Variants in DNAH11 observed in about 807,000 individuals in gnomAD.
DNAH11 encodes dynein axonemal heavy chain 11, also known as axonemal beta dynein heavy chain 11.
Under a neutral mutation model 526.0 loss-of-function variants are expected in DNAH11, and 442 were observed. The observed-to-expected ratio is 0.84, with a 90% CI of 0.78 to 0.91. The LOEUF (loss-of-function observed/expected upper bound fraction) is 0.91, where lower values mean the gene tolerates loss of function less well. DNAH11 is among the 40% of genes least tolerant of loss of function. The probability of loss-of-function intolerance (pLI) is 0.00; values close to 1 mark genes in which losing one functional copy is unlikely to be tolerated. For synonymous variants in DNAH11, 2,461 were observed against 1,935.9 expected (o/e 1.27, Z -7.12); for missense variants, 6,989 against 5,448.7 (o/e 1.28, Z -8.90).
intron 2 of DNAH11, among the ~76,000 whole-genome samples, chr7:21,546,123 T>G (rs1015824177): frequency 1.3e-5 from 2 of 152,174 alleles, no homozygotes; most frequent in Non-Finnish European, 2.9e-5. Flanking sequence ...GGCCGATATT[T>G]AAGGTAGGAA....
At chr7:21,705,803 G>C (rs901399315) in intron 39 of DNAH11, among the ~76,000 whole-genome samples, 1 of 152,158 alleles carries the variant, frequency 6.6e-6, no homozygotes, top group African/African-American at 2.4e-5. Flanking sequence ...AACTTTCCAC[G>C]TGAGATGTTC....
intron 38 of DNAH11, among the ~76,000 whole-genome samples, chr7:21,704,947 C>A (rs1397174567): frequency 6.6e-6 from 1 of 152,082 alleles, no homozygotes; most frequent in Non-Finnish European, 1.5e-5. Flanking sequence ...TTTTAGAGAA[C>A]ATTGGAAGTA....
At chr7:21,600,193 C>G (rs1307516548) in intron 15 of DNAH11, 74 bp downstream of exon 15, 9 of 1,322,576 alleles carry the variant, frequency 6.8e-6, no homozygotes, top group Non-Finnish European at 9.1e-6. Context: ...AGTATGGTAG[C>G]TCATGCTGGG....
chr7:21,652,268 A>G (rs1018840056), intron 28 of DNAH11, among the ~76,000 whole-genome samples: 1 of 152,208 alleles, frequency 6.6e-6, no homozygotes, highest in Non-Finnish European at 1.5e-5. Context: ...AAACAAACAT[A>G]TTAAATAAAA....
chr7:21,553,605 A>G (rs576128357), intron 2 of DNAH11, among the ~76,000 whole-genome samples: 10 of 152,154 alleles, frequency 6.6e-5, no homozygotes, highest in South Asian at 4.1e-4. Flanking sequence ...GTGGATCACC[A>G]TTTCTTTTTT....
At position 21,683,869 on chromosome 7, in the gene DNAH11, G is replaced by A. The variant is rs1421125848; in HGVS notation, c.5546G>A (p.Cys1849Tyr). 3.1e-6 allele frequency: 5 copies of A among 1,613,602 alleles called. No individual in the cohort carries two copies. The highest frequency in any genetic ancestry group is 4.2e-6 in the Non-Finnish European group (5 of 1,179,742). ...DTQKHCFVNI[C>Y]DAQFQYFYEY... ...CAGAAACACTGCTTTGTTAATATTT[G>A]TGATGCCCAGTTCCAGTACTTCTAT... Residue 1849 changes from cysteine to tyrosine, a missense_variant, in exon 32 of 82, where the codon TGT becomes TAT. Cys to Tyr is a radical substitution (Grantham distance 194). Transcript: ENST00000409508.
intron 6 of DNAH11, among the ~76,000 whole-genome samples, chr7:21,565,474 G>T (rs1310435621): frequency 6.6e-6 from 1 of 152,160 alleles, no homozygotes; most frequent in Non-Finnish European, 1.5e-5. Context: ...ATTTCCCTGA[G>T]CAGTTAGGAG....
chr7:21,891,745 G>A (rs1211296787), intron 76 of DNAH11, among the ~76,000 whole-genome samples: 1 of 152,128 alleles, frequency 6.6e-6, no homozygotes, highest in East Asian at 1.9e-4. Context: ...TGAGCTCTCA[G>A]GGTCTGTGGA....
At chr7:21,753,442 T>C (rs982219680) in intron 54 of DNAH11, among the ~76,000 whole-genome samples, 2 of 152,228 alleles carry the variant, frequency 1.3e-5, no homozygotes, top group Non-Finnish European at 2.9e-5. Context: ...GCAGTATCAG[T>C]CATTCCAGTG....
intron 71 of DNAH11, among the ~76,000 whole-genome samples, chr7:21,867,407 A>C (rs186646127): frequency 6.6e-6 from 1 of 152,212 alleles, no homozygotes; most frequent in African/African-American, 2.4e-5. Context: ...GCTAAATCTG[A>C]TGCTGCTGGA....
intron 62 of DNAH11, 25 bp downstream of exon 62, chr7:21,801,300 C>G (rs774662342): frequency 6.2e-7 from 1 of 1,612,782 alleles, no homozygotes; most frequent in South Asian, 1.1e-5. Flanking sequence ...TCCAAACATT[C>G]TAACTAAAAT....
chr7:21,891,510 CTG>C (rs1182715817), intron 76 of DNAH11, among the ~76,000 whole-genome samples: 3 of 152,154 alleles, frequency 2.0e-5, no homozygotes, highest in Non-Finnish European at 2.9e-5. Flanking sequence ...TTGATTGACT[CTG>C]TGTTTATGGC....
chr7:21,620,574 A>C (rs368830086), intron 25 of DNAH11, among the ~76,000 whole-genome samples: 30 of 151,924 alleles, frequency 2.0e-4, no homozygotes, highest in East Asian at 1.7e-3. Context: ...TTTAAATTTT[A>C]CTATTATACT....
chr7:21,554,505 G>C (rs1028244456), intron 2 of DNAH11, among the ~76,000 whole-genome samples: 2 of 152,020 alleles, frequency 1.3e-5, no homozygotes, highest in Non-Finnish European at 2.9e-5. Flanking sequence ...GTTTGGGATT[G>C]ACATTTGGAA....
At chr7:21,658,408 A>G (rs1224830650) in intron 29 of DNAH11, among the ~76,000 whole-genome samples, 2 of 152,148 alleles carry the variant, frequency 1.3e-5, no homozygotes, top group Non-Finnish European at 2.9e-5. Flanking sequence ...TATGACTCAT[A>G]CCTCTATAGG....
At chr7:21,761,171 T>C (rs551924086) in intron 54 of DNAH11, among the ~76,000 whole-genome samples, 1 of 152,278 alleles carries the variant, frequency 6.6e-6, no homozygotes, top group East Asian at 1.9e-4. Flanking sequence ...AAATCTCACA[T>C]GACACCACTA....
chr7:21,760,764 G>A (rs771383414), intron 54 of DNAH11, among the ~76,000 whole-genome samples: 2 of 152,052 alleles, frequency 1.3e-5, no homozygotes, highest in Non-Finnish European at 2.9e-5. Flanking sequence ...CTGCAGTGTG[G>A]GCTTCCATTA....
At chr7:21,748,158 C>A (rs1231051709) in intron 51 of DNAH11, among the ~76,000 whole-genome samples, 3 of 21,142 alleles carry the variant, frequency 1.4e-4, no homozygotes, top group Non-Finnish European at 3.6e-4. Flanking sequence ...GGAATTTAGT[C>A]TCTCACTATA....
chr7:21,668,562 A>G (rs1433409750), intron 30 of DNAH11, among the ~76,000 whole-genome samples: 1 of 152,196 alleles, frequency 6.6e-6, no homozygotes, highest in Non-Finnish European at 1.5e-5. Context: ...GTCTTCTGCC[A>G]GCATCCATGA....
Sources: gnomAD v4.1 joint callset for allele counts (sites outside exome capture counted in the v4.1 genomes callset) on GRCh38, gnomAD v4.1.1 for gene constraint, MANE v1.5 for transcripts, NCBI Gene and HGNC (gene_info 2026-07-23, HGNC 2026-07-21) for gene names.